NYAP2: variants seen among roughly 807,000 people sequenced by gnomAD.
The protein encoded by NYAP2 is neuronal tyrosine-phosphorylated phosphoinositide-3-kinase adapter 2.
In NYAP2, 23 loss-of-function variants were observed where a neutral mutation model predicts 50.4. That is an observed-to-expected ratio of 0.46 (90% CI 0.33 to 0.65). The LOEUF (loss-of-function observed/expected upper bound fraction) is 0.65. Among genes scored for constraint, NYAP2 ranks in the 30% least tolerant of loss-of-function variants. The pLI, the probability that NYAP2 is intolerant of heterozygous loss-of-function variation, is 0.02. For synonymous variants in NYAP2, 394 were observed against 365.2 expected, an observed-to-expected ratio of 1.08 and a Z score of -0.90; for missense variants, 885 against 861.0, an observed-to-expected ratio of 1.03 and a Z score of -0.35.
At chr2:225,406,953 T>C (rs1006184708) in intron 2 of NYAP2, among the ~76,000 whole-genome samples, 4 of 152,054 alleles carry the variant, frequency 2.6e-5, no homozygotes, top group Non-Finnish European at 5.9e-5. Flanking sequence ...CTTTGGGTAA[T>C]AATGCCTTAT....
At chr2:225,588,146 G>A (rs566033800) in intron 5 of NYAP2, among the ~76,000 whole-genome samples, 87 of 152,124 alleles carry the variant, frequency 5.7e-4, no homozygotes, top group Middle Eastern at 3.4e-3. Context: ...GGCTGATCTC[G>A]AACTCCTGAC....
intron 2 of NYAP2, among the ~76,000 whole-genome samples, chr2:225,401,387 C>T (rs1289996813): frequency 6.6e-6 from 1 of 152,002 alleles, no homozygotes; most frequent in Non-Finnish European, 1.5e-5. Flanking sequence ...AGCTATTTAT[C>T]CGCTATTCCA....
chr2:225,460,686 T>G (rs1424587217), intron 3 of NYAP2, among the ~76,000 whole-genome samples: 1 of 152,182 alleles, frequency 6.6e-6, no homozygotes, highest in African/African-American at 2.4e-5. Flanking sequence ...TGCTAGACCA[T>G]CGCTTTGGAA....
chr2:225,451,029 G>A (rs547224931), intron 3 of NYAP2, among the ~76,000 whole-genome samples: 34 of 152,232 alleles, frequency 2.2e-4, no homozygotes, highest in African/African-American at 8.2e-4. Context: ...CATCTAAAAG[G>A]GGACTTAATG....
intron 3 of NYAP2, among the ~76,000 whole-genome samples, chr2:225,459,688 G>T (rs1268312698): frequency 6.6e-6 from 1 of 151,682 alleles, no homozygotes; most frequent in Non-Finnish European, 1.5e-5. Context: ...CTGTCGCCCA[G>T]GCTGGAGTGC....
At chr2:225,556,902 A>G (rs1488515738) in intron 4 of NYAP2, among the ~76,000 whole-genome samples, 1 of 152,186 alleles carries the variant, frequency 6.6e-6, no homozygotes, top group Non-Finnish European at 1.5e-5. Flanking sequence ...TGGCTAATGC[A>G]TGTCAATATC....
chr2:225,661,077 G>A, the NYAP2 span, among the ~76,000 whole-genome samples: 1 of 152,062 alleles, frequency 6.6e-6, no homozygotes, highest in Non-Finnish European at 1.5e-5. Context: ...AAGCATGACT[G>A]GTTAAATGGA....
chr2:225,638,249 G>T (rs1458346529), intron 6 of NYAP2, among the ~76,000 whole-genome samples: 1 of 151,258 alleles, frequency 6.6e-6, no homozygotes, highest in Non-Finnish European at 1.5e-5. Context: ...AGAGATGAGT[G>T]TCCATCCAAT....
At chr2:225,532,836 G>A (rs2106198293) in intron 4 of NYAP2, among the ~76,000 whole-genome samples, 1 of 152,214 alleles carries the variant, frequency 6.6e-6, no homozygotes, top group Non-Finnish European at 1.5e-5. Context: ...CCTTGATTAT[G>A]ATCTGCCCTG....
At chr2:225,567,756 A>T (rs924457926) in intron 4 of NYAP2, among the ~76,000 whole-genome samples, 5 of 152,172 alleles carry the variant, frequency 3.3e-5, no homozygotes, top group African/African-American at 1.2e-4. Flanking sequence ...AAGTCTGAAC[A>T]TACACATATC....
intron 4 of NYAP2, among the ~76,000 whole-genome samples, chr2:225,570,772 A>G (rs970781683): frequency 5.3e-5 from 8 of 152,170 alleles, no homozygotes; most frequent in African/African-American, 1.9e-4. Flanking sequence ...TCACATTTCA[A>G]TGCATAATCA....
At chr2:225,446,669 A>G (rs191590976) in intron 3 of NYAP2, among the ~76,000 whole-genome samples, 17 of 152,240 alleles carry the variant, frequency 1.1e-4, no homozygotes, top group Admixed American at 1.0e-3. Context: ...TTATTGTAAA[A>G]TCCAATTATG....
At chr2:225,426,097 A>G (rs1015810228) in intron 3 of NYAP2, among the ~76,000 whole-genome samples, 4 of 151,848 alleles carry the variant, frequency 2.6e-5, no homozygotes, top group African/African-American at 9.7e-5. Context: ...AACATCCCCT[A>G]GAAAATTAGT....
At chr2:225,672,373 G>A in the NYAP2 span, among the ~76,000 whole-genome samples, 1 of 152,062 alleles carries the variant, frequency 6.6e-6, no homozygotes, top group Non-Finnish European at 1.5e-5. Context: ...TCTTCCATAG[G>A]TCAGTCACCT....
intron 3 of NYAP2, among the ~76,000 whole-genome samples, chr2:225,423,368 G>T (rs1695243535): frequency 6.6e-6 from 1 of 152,184 alleles, no homozygotes; most frequent in Non-Finnish European, 1.5e-5. Flanking sequence ...TGTGTAAGCT[G>T]CCTTCAGCAA....
At chr2:225,632,484 G>A (rs1235032819) in intron 6 of NYAP2, among the ~76,000 whole-genome samples, 2 of 152,168 alleles carry the variant, frequency 1.3e-5, no homozygotes. Context: ...ACTTGAAATG[G>A]TTGTTCTTAA....
chr2:225,605,875 C>G (rs1034905296), intron 5 of NYAP2, among the ~76,000 whole-genome samples: 1 of 152,002 alleles, frequency 6.6e-6, no homozygotes, highest in African/African-American at 2.4e-5. Context: ...TTAGGGAAAA[C>G]AGTGGAATCA....
At chr2:225,538,778 T>TTTTCTTTTCTTTTC (rs1691397330) in intron 4 of NYAP2, among the ~76,000 whole-genome samples, 6 of 76,092 alleles carry the variant, frequency 7.9e-5, no homozygotes, top group African/African-American at 2.5e-4. Context: ...TTTTCTTTTC[T>TTTTCTTTTCTTTTC]TTTCTTTCTT....
At chr2:225,630,684 TTTTAAG>T (rs1341071123) in intron 6 of NYAP2, among the ~76,000 whole-genome samples, 6 of 152,204 alleles carry the variant, frequency 3.9e-5, no homozygotes, top group Non-Finnish European at 7.3e-5. Flanking sequence ...GTAATTAGGT[TTTTAAG>T]TTTATGTGGT....
Sources: gnomAD v4.1 joint callset for allele counts (sites outside exome capture counted in the v4.1 genomes callset) on GRCh38, gnomAD v4.1.1 for gene constraint, MANE v1.5 for transcripts, NCBI Gene and HGNC (gene_info 2026-07-23, HGNC 2026-07-21) for gene names.